Variants in ROR2 observed in about 807,000 individuals in gnomAD.
ROR2 encodes the protein ROR family WNT receptor 2.
Under a neutral mutation model 74.9 loss-of-function variants are expected in ROR2, and 33 were observed. That is an observed-to-expected ratio of 0.44 (90% CI 0.33 to 0.59). The LOEUF (loss-of-function observed/expected upper bound fraction) is 0.59, where lower values mean the gene tolerates loss of function less well. ROR2 is among the 20% of genes least tolerant of loss of function. The probability of loss-of-function intolerance (pLI) is 0.02; values close to 1 mark genes in which losing one functional copy is unlikely to be tolerated. For synonymous variants in ROR2, 586 were observed against 558.7 expected (o/e 1.05, Z -0.69); for missense variants, 1,216 against 1,313.8 (o/e 0.93, Z 1.15).
Position 91,756,112 on chromosome 9 carries a change from G to T in ROR2, c.464-11C>A. On this transcript the variant is annotated splice_polypyrimidine_tract_variant and intron_variant, in intron 3 of 8. Transcript: ENST00000375708. Reference sequence around the variant, plus strand: ...GGCTGTGCGTTGGACCTAAAAAGAGGAAACAAAAAGACAAGTTATTAATAC... The same window carrying T: ...GGCTGTGCGTTGGACCTAAAAAGAGTAAACAAAAAGACAAGTTATTAATAC... 7 of 1,613,428 alleles carry T rather than the reference G, an allele frequency of 4.3e-6. No homozygotes were observed. In the South Asian group the frequency reaches 7.7e-5, roughly 18 times the overall value.
chr9:91,950,131 C>T lies in ROR2; in HGVS notation c.-168G>A, dbSNP rs1832135937. The T allele has an allele frequency of 2.4e-6, 1 of 410,638 alleles. No homozygotes were observed. The allele number at this position is 410,638 out of a possible 1,614,324, so 25.4% of individuals were successfully genotyped here. On this transcript the variant is annotated 5_prime_UTR_variant, in exon 1 of 9. Transcript: ENST00000375708. ...CGTCCTCTTCTCCGGCCCGGATGCG[C>T]CGCTCGGCTCCGGCCACGGCAAGGG...
At chr9:91,788,900 T>C (rs1225195044) in intron 1 of ROR2, among the ~76,000 whole-genome samples, 1 of 151,776 alleles carries the variant, frequency 6.6e-6, no homozygotes, top group African/African-American at 2.4e-5. Context: ...GCCAAACTCT[T>C]CTTCAGAAAT....
chr9:91,872,330 G>A (rs1442646701), intron 1 of ROR2, among the ~76,000 whole-genome samples: 1 of 152,146 alleles, frequency 6.6e-6, no homozygotes, highest in Non-Finnish European at 1.5e-5. Flanking sequence ...GTCCTGGGGT[G>A]CATCTCGTCG....
At chr9:91,804,419 G>T (rs12337908) in intron 1 of ROR2, among the ~76,000 whole-genome samples, 1 of 152,100 alleles carries the variant, frequency 6.6e-6, no homozygotes, top group Non-Finnish European at 1.5e-5. Context: ...ACCTTTGCTC[G>T]ACAGCCTCTT....
intron 1 of ROR2, among the ~76,000 whole-genome samples, chr9:91,792,371 A>C (rs997382659): frequency 2.8e-5 from 3 of 109,032 alleles, no homozygotes; most frequent in Admixed American, 8.9e-5. Flanking sequence ...GCAGTAGTGC[A>C]ATCTCAGCTC....
chr9:91,759,984 T>C (rs1376238919), intron 2 of ROR2, among the ~76,000 whole-genome samples: 1 of 152,208 alleles, frequency 6.6e-6, no homozygotes, highest in East Asian at 1.9e-4. Flanking sequence ...GAAAGACAGA[T>C]AATGGAGAAT....
chr9:91,863,263 T>C (rs1337331682), intron 1 of ROR2, among the ~76,000 whole-genome samples: 1 of 152,210 alleles, frequency 6.6e-6, no homozygotes, highest in African/African-American at 2.4e-5. Flanking sequence ...TGGCCTCAAG[T>C]GATCCTCCCG....
intron 1 of ROR2, among the ~76,000 whole-genome samples, chr9:91,885,735 A>G (rs1416583710): frequency 1.3e-5 from 2 of 152,266 alleles, no homozygotes; most frequent in Non-Finnish European, 2.9e-5. Flanking sequence ...TCAACGAATC[A>G]AAATACCTAG....
At chr9:91,908,521 C>T (rs1235001925) in intron 1 of ROR2, among the ~76,000 whole-genome samples, 1 of 152,138 alleles carries the variant, frequency 6.6e-6, no homozygotes, top group Non-Finnish European at 1.5e-5. Flanking sequence ...ATCCCCAAAA[C>T]AACAACCCCA....
At chr9:91,944,319 G>A (rs775757496) in intron 1 of ROR2, among the ~76,000 whole-genome samples, 15 of 152,158 alleles carry the variant, frequency 9.9e-5, no homozygotes, top group Non-Finnish European at 1.9e-4. Context: ...GTGGTCCATC[G>A]TCTGAAAACA....
intron 1 of ROR2, among the ~76,000 whole-genome samples, chr9:91,788,089 G>A (rs1406611509): frequency 2.6e-5 from 4 of 152,108 alleles, no homozygotes; most frequent in Non-Finnish European, 5.9e-5. Context: ...AAATTCACTA[G>A]ACAGACTCAA....
intron 1 of ROR2, among the ~76,000 whole-genome samples, chr9:91,893,007 A>AG (rs902351669): frequency 1.8e-4 from 27 of 152,318 alleles, no homozygotes; most frequent in African/African-American, 5.8e-4. Flanking sequence ...CCAAGGGTGA[A>AG]GTGAAAAGTC....
chr9:91,887,360 T>C (rs975726834), intron 1 of ROR2, among the ~76,000 whole-genome samples: 1 of 152,206 alleles, frequency 6.6e-6, no homozygotes, highest in African/African-American at 2.4e-5. Context: ...ATATAGTACT[T>C]CCCTACAGTA....
At chr9:91,921,602 G>A (rs1239940172) in intron 1 of ROR2, among the ~76,000 whole-genome samples, 3 of 152,148 alleles carry the variant, frequency 2.0e-5, no homozygotes, top group South Asian at 2.1e-4. Flanking sequence ...GGTAGCTCAC[G>A]CCTGTAATCC....
intron 1 of ROR2, among the ~76,000 whole-genome samples, chr9:91,879,977 T>A (rs1263448421): frequency 6.6e-6 from 1 of 152,264 alleles, no homozygotes; most frequent in East Asian, 1.9e-4. Flanking sequence ...CAGATGTTAC[T>A]ACAATACAAA....
At chr9:91,776,067 G>A (rs1029183321) in intron 1 of ROR2, among the ~76,000 whole-genome samples, 3 of 152,208 alleles carry the variant, frequency 2.0e-5, no homozygotes, top group African/African-American at 7.2e-5. Flanking sequence ...ACACAGGTAT[G>A]GAAATAAGTC....
chr9:91,723,536 T>C lies in ROR2; in HGVS notation c.*126A>G. 1 of 1,409,712 alleles carries C rather than the reference T, an allele frequency of 7.1e-7. No individual in the cohort carries two copies. The highest frequency in any genetic ancestry group is 2.0e-5 in the Admixed American group (1 of 50,348). The allele number at this position is 1,409,712 out of a possible 1,614,324, so 87.3% of individuals were successfully genotyped here. ...GAGCAGGGCTCCACCTCACCCAGTC[T>C]GCAAACAAGCCCACTGGCCGGCGGG... On this transcript the variant is annotated 3_prime_UTR_variant, in exon 9 of 9. Transcript: ENST00000375708.
intron 1 of ROR2, among the ~76,000 whole-genome samples, chr9:91,941,628 G>A (rs1831871051): frequency 6.6e-6 from 1 of 152,174 alleles, no homozygotes; most frequent in South Asian, 2.1e-4. Context: ...ACGACAGCAT[G>A]TTTTTCCCTC....
chr9:91,724,039 C>T lies in ROR2; in HGVS notation c.2455G>A (p.Val819Ile), dbSNP rs10761129. The change falls in exon 9 of 9, where the codon GTC becomes ATC. Residue 819 changes from valine (V) to isoleucine (I), a missense_variant. Coordinates refer to ENST00000375708, the MANE Select transcript of ROR2 (RefSeq NM_004560.4). Reference sequence around the variant, plus strand: ...ACCGGCTGGTAGCCGTTGACGGGGACGTAGAGCTGCGGCGGGGGCACCATG... The same window carrying T: ...ACCGGCTGGTAGCCGTTGACGGGGATGTAGAGCTGCGGCGGGGGCACCATG... Reference protein sequence around the residue: ...RPMVPPPQLYVPVNGYQPVPA... With the variant: ...RPMVPPPQLYIPVNGYQPVPA... 1,106,698 of 1,611,526 alleles carry T rather than the reference C, an allele frequency of 0.69. 383,045 individuals are homozygous for T. The highest frequency in any genetic ancestry group is 0.94 in the East Asian group (42,315 of 44,848).
Sources: gnomAD v4.1 joint callset for allele counts (sites outside exome capture counted in the v4.1 genomes callset) on GRCh38, gnomAD v4.1.1 for gene constraint, MANE v1.5 for transcripts, NCBI Gene and HGNC (gene_info 2026-07-23, HGNC 2026-07-21) for gene names.